Variants in BFSP1 observed in about 807,000 individuals in gnomAD.
BFSP1 encodes the protein beaded filament structural protein 1.
BFSP1 carries 38 observed loss-of-function variants against 43.9 expected under a neutral mutation model. That is an observed-to-expected ratio of 0.87 (90% confidence interval 0.67 to 1.14). The LOEUF is 1.14. Among genes scored for constraint, BFSP1 ranks in the 50% most tolerant of loss-of-function variants. The pLI, the probability that BFSP1 is intolerant of heterozygous loss-of-function variation, is 0.00. For synonymous variants in BFSP1, 352 were observed against 354.8 expected, an observed-to-expected ratio of 0.99 and a Z score of 0.09; for missense variants, 850 against 875.1, an observed-to-expected ratio of 0.97 and a Z score of 0.36.
At chr20:17,517,283 CT>C (rs2034219879) in intron 2 of BFSP1, 1 of 1,263,578 alleles carries the variant, frequency 7.9e-7, no homozygotes, top group Admixed American at 1.7e-5. Flanking sequence ...GTCTGACTTA[CT>C]GCTTCAACAA....
Position 17,494,940 on chromosome 20 carries a change from T to C in BFSP1, c.1132A>G (p.Thr378Ala), listed in dbSNP as rs745495348. ...KNVPRRKEIITKDKTNGALED... is the reference protein window; with the variant it reads ...KNVPRRKEIIAKDKTNGALED... ...AGAGCTCCGTTGGTTTTGTCTTTTG[T>C]TATAATCTCTTTTCTCCTTGGAACA... Residue 378 changes from threonine (T) to alanine (A), a missense_variant, in exon 8 of 8, where the codon ACA becomes GCA. Thr to Ala is a moderately conservative substitution (Grantham distance 58). Coordinates refer to ENST00000377873, the MANE Select transcript of BFSP1 (RefSeq NM_001195.5). The C allele has an allele frequency of 3.7e-6, 6 of 1,614,114 alleles. No homozygotes were observed. The highest frequency in any genetic ancestry group is 4.2e-6 in the Non-Finnish European group (5 of 1,180,046).
At chr20:17,552,442 C>T (rs928295189) in intron 1 of BFSP1, among the ~76,000 whole-genome samples, 3 of 152,102 alleles carry the variant, frequency 2.0e-5, no homozygotes, top group Non-Finnish European at 4.4e-5. Context: ...ACAAATCCTC[C>T]ATAAGGATTT....
At chr20:17,558,265 G>GTA in intron 1 of BFSP1, among the ~76,000 whole-genome samples, 1 of 151,798 alleles carries the variant, frequency 6.6e-6, no homozygotes, top group East Asian at 1.9e-4. Flanking sequence ...ACTGAATAAA[G>GTA]TATAGCACCC....
intron 5 of BFSP1, among the ~76,000 whole-genome samples, chr20:17,499,447 T>G (rs1389837322): frequency 6.8e-6 from 1 of 146,774 alleles, no homozygotes; most frequent in Non-Finnish European, 1.5e-5. Context: ...GGGTCCCACT[T>G]CGTTGCCCAG....
At chr20:17,524,111 C>T (rs1052905939) in intron 2 of BFSP1, among the ~76,000 whole-genome samples, 12 of 152,210 alleles carry the variant, frequency 7.9e-5, no homozygotes, top group African/African-American at 2.7e-4. Flanking sequence ...TCTGCTCTGA[C>T]ATTGGAGCTC....
rs372894350 is a variant in BFSP1 at position 17,564,475 on chromosome 20, T to C, written n.51-1380A>G. 2.0e-5 allele frequency among the ~76,000 whole-genome samples: 3 copies of C among 152,220 alleles called. No individual in the cohort carries two copies. The East Asian group carries it at 5.8e-4, about 29-fold the overall frequency. On this transcript the variant is annotated intron_variant and non_coding_transcript_variant, in intron 1 of 6. Transcript: ENST00000473415. Reference sequence around the variant, plus strand: ...ATGTGTGAAGTAAACCATATACACATACACACACACGTAATAAAGCCTTAA... The same window carrying C: ...ATGTGTGAAGTAAACCATATACACACACACACACACGTAATAAAGCCTTAA...
chr20:17,503,169 G>A (rs2033843765), intron 5 of BFSP1, among the ~76,000 whole-genome samples: 1 of 152,108 alleles, frequency 6.6e-6, no homozygotes, highest in Non-Finnish European at 1.5e-5. Flanking sequence ...GACCACAGGT[G>A]AATGCCACCA....
Position 17,525,122 on chromosome 20 carries a change from A to T in BFSP1, c.378-214T>A, listed in dbSNP as rs948045503. Among the ~76,000 whole-genome samples the T allele has an allele frequency of 1.3e-5, 2 of 152,122 alleles. No homozygotes were observed. Among genetic ancestry groups the T allele is most frequent in the African/African-American group, 2.4e-5 (1 of 41,438 alleles). On this transcript the variant is annotated intron_variant, in intron 1 of 7. Coordinates refer to ENST00000377873, the MANE Select transcript of BFSP1 (RefSeq NM_001195.5). The surrounding 1 kb of genome is among the most constrained non-coding windows in gnomAD (Gnocchi z 4.2). The stretch of plus-strand genomic sequence containing the variant: ...CATTTGCACACCGCGTGGGGTAACC[A>T]GGGGCAGTTAGCGGAATAGGAGTCT...
intron 1 of BFSP1, among the ~76,000 whole-genome samples, chr20:17,557,797 G>T (rs190834953): frequency 6.6e-6 from 1 of 152,114 alleles, no homozygotes; most frequent in Admixed American, 6.5e-5. Flanking sequence ...TGTGAGTCAC[G>T]CTGCTCTGTT....
At chr20:17,521,901 G>A (rs981532374) in intron 2 of BFSP1, among the ~76,000 whole-genome samples, 2 of 152,202 alleles carry the variant, frequency 1.3e-5, no homozygotes, top group African/African-American at 4.8e-5. Flanking sequence ...ATCACTATGA[G>A]GGGTGGGGAA....
rs1555803202 is a variant in BFSP1, at chr20:17,522,773, C to CCA, written c.438+2074_438+2075insTG. On this transcript the variant is annotated intron_variant, in intron 2 of 7. Transcript: ENST00000377873. ...ACATTATTACATCATTTAGTTCTCA[C>CCA]TAGGCACTTTCACTCCTATGGTGGG... Among the ~76,000 whole-genome samples the CCA allele has an allele frequency of 1.4e-3, 219 of 152,318 alleles. 3 individuals carry two copies. The East Asian group carries it at 0.038, about 27-fold the overall frequency.
intron 3 of BFSP1, among the ~76,000 whole-genome samples, chr20:17,512,581 G>T (rs1240544323): frequency 6.6e-6 from 1 of 152,168 alleles, no homozygotes; most frequent in Non-Finnish European, 1.5e-5. Flanking sequence ...GCTATGTGTT[G>T]TGGTGTGCAC....
chr20:17,495,056 A>G (rs1207618875), intron 7 of BFSP1, 27 bp from the exon 8 acceptor site: 5 of 1,569,584 alleles, frequency 3.2e-6, no homozygotes, highest in African/African-American at 1.4e-5. Context: ...GCAGAAATTC[A>G]AGTATAATTG....
chr20:17,556,562 T>A (rs1316187793), intron 1 of BFSP1, among the ~76,000 whole-genome samples: 1 of 152,066 alleles, frequency 6.6e-6, no homozygotes, highest in Admixed American at 6.6e-5. Flanking sequence ...TCTATTACTA[T>A]CTATTGATCT....
At chr20:17,558,730 A>AT in exon 1 of BFSP1, 3 of 1,551,618 alleles carry the variant, frequency 1.9e-6, no homozygotes, top group Non-Finnish European at 2.6e-6. Context: ...AAATTTGAAA[A>AT]TCCATTCAGC....
chr20:17,567,058 A>G (rs2035127693), intron 1 of BFSP1, among the ~76,000 whole-genome samples: 1 of 152,162 alleles, frequency 6.6e-6, no homozygotes, highest in African/African-American at 2.4e-5. Context: ...ATTGGGGATT[A>G]CCTTTCAGCT....
intron 6 of BFSP1, among the ~76,000 whole-genome samples, chr20:17,497,795 C>G (rs2033691525): frequency 1.3e-5 from 2 of 151,928 alleles, no homozygotes; most frequent in South Asian, 4.2e-4. Context: ...TTGTTCTATT[C>G]TTGCAACATT....
intron 1 of BFSP1, among the ~76,000 whole-genome samples, chr20:17,537,584 A>AAC (rs1468957815): frequency 6.6e-6 from 1 of 151,910 alleles, no homozygotes; most frequent in African/African-American, 2.4e-5. Flanking sequence ...AAAAAAAAAA[A>AAC]AAAAACAAAT....
At chr20:17,528,453 T>A (rs572904251) in intron 1 of BFSP1, among the ~76,000 whole-genome samples, 1 of 152,214 alleles carries the variant, frequency 6.6e-6, no homozygotes, top group Non-Finnish European at 1.5e-5. Flanking sequence ...GGAATCTTGA[T>A]GGTCCATCAA....
Sources: allele counts gnomAD v4.1 joint callset (sites outside exome capture counted in the v4.1 genomes callset), GRCh38; gene constraint gnomAD v4.1.1; non-coding constraint Gnocchi (gnomAD v3.1); transcripts MANE v1.5; gene names NCBI Gene and HGNC (gene_info 2026-07-23, HGNC 2026-07-21).